TSBP1: variants seen among roughly 807,000 people sequenced by gnomAD.
The protein encoded by TSBP1 is testis expressed basic protein 1.
Under a neutral mutation model 68.8 loss-of-function variants are expected in TSBP1, and 56 were observed. The ratio of observed to expected loss-of-function variants is 0.81; its 90% CI spans 0.66 to 1.02. TSBP1 has a LOEUF of 1.02. TSBP1 is among the 50% of genes least tolerant of loss of function. TSBP1 has a pLI of 0.00. For synonymous variants in TSBP1, 171 were observed against 208.7 expected, an observed-to-expected ratio of 0.82 and a Z score of 1.56; for missense variants, 502 against 641.2, an observed-to-expected ratio of 0.78 and a Z score of 2.34.
intron 6 of TSBP1, among the ~76,000 whole-genome samples, chr6:32,360,381 ATT>A (rs1491324017): frequency 1.9e-5 from 1 of 53,054 alleles, no homozygotes; most frequent in African/African-American, 5.8e-5. Flanking sequence ...ATAATATTTC[ATT>A]GTGTGTGTGT....
intron 6 of TSBP1, among the ~76,000 whole-genome samples, chr6:32,364,221 G>A (rs9268347): frequency 0.29 from 44,200 of 151,938 alleles, 7,437 homozygotes; most frequent in African/African-American, 0.44. Context: ...TACAATTGGA[G>A]AGTTTTGAGT....
chr6:32,353,323 TAG>T (rs1446300306), intron 8 of TSBP1, among the ~76,000 whole-genome samples: 1 of 151,952 alleles, frequency 6.6e-6, no homozygotes, highest in Non-Finnish European at 1.5e-5. Context: ...AAAATCCATG[TAG>T]AGAGATAGTA....
chr6:32,344,640 A>C (rs1046991664), intron 9 of TSBP1, among the ~76,000 whole-genome samples: 50 of 152,104 alleles, frequency 3.3e-4, no homozygotes, highest in Non-Finnish European at 6.6e-4. Context: ...AAAATCCCTC[A>C]CACTACCCTC....
chr6:32,353,686 T>G (rs1413771227), intron 8 of TSBP1, among the ~76,000 whole-genome samples: 1 of 151,980 alleles, frequency 6.6e-6, no homozygotes, highest in African/African-American at 2.4e-5. Flanking sequence ...CAATGGAGTA[T>G]TGGTTCAGTA....
In TSBP1 at chr6:32,337,637, A is replaced by G. The variant is rs931945133; in HGVS notation, c.410-1002T>C. 6.6e-6 allele frequency among the ~76,000 whole-genome samples: 1 copy of G among 152,124 alleles called. No individual in the cohort carries two copies. The highest frequency in any genetic ancestry group is 3.2e-3 in the Middle Eastern group (1 of 316). On this transcript the variant is annotated intron_variant, in intron 11 of 22. Transcript: ENST00000612031. This position sits in a 1 kb window ranked among gnomAD's most constrained non-coding sequence, Gnocchi z 5.5. ...CACTAGACCCACATACTTGTTAATAATGCAGTAACAGTCTTCTTCTTTATG... is the reference window on the plus strand; with the variant it reads ...CACTAGACCCACATACTTGTTAATAGTGCAGTAACAGTCTTCTTCTTTATG...
At chr6:32,360,883 CTTT>C (rs35899943) in intron 6 of TSBP1, among the ~76,000 whole-genome samples, 2 of 150,302 alleles carry the variant, frequency 1.3e-5, no homozygotes, top group Non-Finnish European at 3.0e-5. Flanking sequence ...TTCTCTCTCT[CTTT>C]TTTTTTATTA....
chr6:32,325,730 G>A lies in TSBP1; in HGVS notation c.515-2116C>T. The A allele has an allele frequency of 9.4e-7, 1 of 1,062,552 alleles. No individual in the cohort carries two copies. The highest frequency in any genetic ancestry group is 1.2e-5 in the South Asian group (1 of 80,872). 65.8% of individuals were successfully genotyped at this position (1,062,552 alleles called of 1,614,324 possible). On this transcript the variant is annotated intron_variant, in intron 16 of 22. Transcript: ENST00000612031. The surrounding 1 kb of genome is among the most constrained non-coding windows in gnomAD (Gnocchi z 4.4). ...CATTCAGAAATACCACAGTGTGAATGGCCACAACTGTGAAGTTAGGAAAGT... is the reference window on the plus strand; with the variant it reads ...CATTCAGAAATACCACAGTGTGAATAGCCACAACTGTGAAGTTAGGAAAGT...
intron 19 of TSBP1, among the ~76,000 whole-genome samples, chr6:32,310,670 A>G (rs1766287439): frequency 6.7e-6 from 1 of 148,698 alleles, no homozygotes; most frequent in African/African-American, 2.5e-5. Context: ...TAACTTTCTT[A>G]TTTTCAAGGT....
intron 9 of TSBP1, 58 bp downstream of exon 9, chr6:32,349,682 C>T: frequency 8.8e-6 from 9 of 1,022,678 alleles, no homozygotes; most frequent in Non-Finnish European, 1.4e-5. Context: ...AGGAAGATAT[C>T]CTCTTGATTA....
rs1770273884 is a variant in TSBP1, at chr6:32,340,987, G to A, written c.350-1349C>T. On this transcript the variant is annotated intron_variant, in intron 9 of 22. Coordinates refer to ENST00000612031, the Ensembl canonical transcript of TSBP1. This position sits in a 1 kb window ranked among gnomAD's most constrained non-coding sequence, Gnocchi z 4.8. ...ATTTTTGTATTTTTAGTAGAGATGGGGTTTCGCCATGTTGGCCAGGCTGGT... is the reference window on the plus strand; with the variant it reads ...ATTTTTGTATTTTTAGTAGAGATGGAGTTTCGCCATGTTGGCCAGGCTGGT... Among the ~76,000 whole-genome samples, 1 of 152,038 alleles carries A rather than the reference G, an allele frequency of 6.6e-6. No homozygotes were observed. Among genetic ancestry groups the A allele is most frequent in the African/African-American group, 2.4e-5 (1 of 41,410 alleles).
intron 18 of TSBP1, among the ~76,000 whole-genome samples, chr6:32,318,319 A>C (rs1201528307): frequency 6.6e-6 from 1 of 152,136 alleles, no homozygotes; most frequent in Non-Finnish European, 1.5e-5. Context: ...GAGAGGACGT[A>C]GACAGTCAGG....
Position 32,338,880 on chromosome 6 carries a change from G to T in TSBP1, c.409+99C>A. ...AAGGGGAAAGGAATGGACAATTTGT[G>T]AAAGAAATAAAAAAATCTAGGAATA... is the stretch of plus-strand genomic sequence containing the variant. On this transcript the variant is annotated intron_variant, in intron 11 of 22. Coordinates refer to ENST00000612031, the Ensembl canonical transcript of TSBP1. The surrounding 1 kb of genome is among the most constrained non-coding windows in gnomAD (Gnocchi z 5.5). The T allele has an allele frequency of 1.0e-6, 1 of 985,526 alleles. No homozygotes were observed. The highest frequency in any genetic ancestry group is 1.6e-6 in the Non-Finnish European group (1 of 612,664). 61.0% of individuals were successfully genotyped at this position (985,526 alleles called of 1,614,324 possible). A position where few individuals can be genotyped will look rare whatever the true frequency, so the allele number is the denominator to read the frequency against.
At chr6:32,355,531 T>G (rs1250779235) in intron 7 of TSBP1, 118 bp downstream of exon 7, 13 of 1,301,460 alleles carry the variant, frequency 1.0e-5, no homozygotes, top group Non-Finnish European at 1.4e-5. Flanking sequence ...TATCTATTGC[T>G]TAGTATTCAT....
At chr6:32,309,172 A>G (rs1354188959) in intron 19 of TSBP1, among the ~76,000 whole-genome samples, 6 of 151,264 alleles carry the variant, frequency 4.0e-5, no homozygotes, top group Admixed American at 3.3e-4. Context: ...CTGGTCTCCA[A>G]CTCCTGAGCT....
intron 19 of TSBP1, among the ~76,000 whole-genome samples, chr6:32,309,596 T>A (rs1019664088): frequency 2.0e-5 from 3 of 152,124 alleles, no homozygotes; most frequent in African/African-American, 4.8e-5. Flanking sequence ...CTTTTTAAAA[T>A]TTTTTTATTT....
At chr6:32,326,764 T>C (rs992971539) in intron 16 of TSBP1, among the ~76,000 whole-genome samples, 1 of 152,216 alleles carries the variant, frequency 6.6e-6, no homozygotes, top group African/African-American at 2.4e-5. Context: ...GAAATGGCAA[T>C]GGAAGAAACA....
intron 21 of TSBP1, among the ~76,000 whole-genome samples, chr6:32,300,458 C>G (rs1363602886): frequency 2.0e-5 from 3 of 152,092 alleles, no homozygotes; most frequent in South Asian, 2.1e-4. Context: ...TACCAATAAT[C>G]TTTGGTAGTA....
rs1441073092 is a variant in TSBP1 at position 32,328,485 on chromosome 6, G to A, written c.514+2104C>T. The stretch of plus-strand genomic sequence containing the variant: ...GGCTGGAGTGCAGTGGTGAGATCTC[G>A]GCTCACTGCAATCTCCACCTCCCAA... On this transcript the variant is annotated intron_variant, in intron 16 of 22. Transcript: ENST00000612031. Among the ~76,000 whole-genome samples the A allele has an allele frequency of 6.0e-5, 9 of 151,122 alleles. No individual in the cohort carries two copies. The East Asian group carries it at 1.2e-3, about 20-fold the overall frequency.
Position 32,302,703 on chromosome 6 carries a change from A to G in TSBP1, c.581-74T>C, listed in dbSNP as rs540724415. The G allele has an allele frequency of 6.5e-6, 7 of 1,076,922 alleles. No homozygotes were observed. In the East Asian group the frequency reaches 1.5e-4, roughly 23 times the overall value. 66.7% of individuals were successfully genotyped at this position (1,076,922 alleles called of 1,614,324 possible). On this transcript the variant is annotated intron_variant, in intron 19 of 22. Transcript: ENST00000612031. This position sits in a 1 kb window ranked among gnomAD's most constrained non-coding sequence, Gnocchi z 5.1. ...GAAGTACAGTTCTTTCCTACTCCCA[A>G]TTCCCTAGTTGTTTTTTCTAGGGTA...
Sources: allele counts gnomAD v4.1 joint callset (sites outside exome capture counted in the v4.1 genomes callset), GRCh38; gene constraint gnomAD v4.1.1; non-coding constraint Gnocchi (gnomAD v3.1); transcripts MANE v1.5; gene names NCBI Gene and HGNC (gene_info 2026-07-23, HGNC 2026-07-21).